Variants in FGF12 observed in about 807,000 individuals in gnomAD.
FGF12 encodes fibroblast growth factor 12B.
In FGF12, 14 loss-of-function variants were observed where a neutral mutation model predicts 23.6. The observed-to-expected ratio is 0.59, with a 90% confidence interval of 0.39 to 0.93. FGF12 has a LOEUF of 0.93. Ranked by LOEUF, FGF12 falls within the 40% of genes least tolerant of loss-of-function variation. FGF12 has a pLI of 0.00. For missense variants in FGF12, 175 were observed against 217.8 expected, an observed-to-expected ratio of 0.80 and a Z score of 1.24; for synonymous variants, 62 against 77.3, an observed-to-expected ratio of 0.80 and a Z score of 1.04.
chr3:192,256,791 G>A (rs1181032794), intron 4 of FGF12, among the ~76,000 whole-genome samples: 5 of 152,162 alleles, frequency 3.3e-5, no homozygotes, highest in Non-Finnish European at 7.4e-5. Flanking sequence ...CACACAGATA[G>A]CAGAATAGAT....
At chr3:192,474,532 T>C (rs371693405) in intron 2 of FGF12, among the ~76,000 whole-genome samples, 2 of 152,298 alleles carry the variant, frequency 1.3e-5, no homozygotes, top group East Asian at 3.9e-4. Flanking sequence ...TGGAGAAAAC[T>C]GCTACCTTTT....
intron 2 of FGF12, among the ~76,000 whole-genome samples, chr3:192,680,648 C>A (rs1429809442): frequency 2.0e-5 from 3 of 152,212 alleles, no homozygotes; most frequent in Non-Finnish European, 4.4e-5. Context: ...CCCAGCCAGA[C>A]AAGCTGTGGT....
At position 192,727,119 on chromosome 3, in the gene FGF12, G is replaced by A. The variant is rs1204758240; in HGVS notation, c.13+62C>T. Reference sequence around the variant, plus strand: ...CCCCAAGCACTGCAGTCCCCTCGCCGAGGATTGCCTTGGCCACACGCACAT... The same window carrying A: ...CCCCAAGCACTGCAGTCCCCTCGCCAAGGATTGCCTTGGCCACACGCACAT... On this transcript the variant is annotated intron_variant, in intron 2 of 5. Transcript: ENST00000445105. 1.9e-5 allele frequency: 29 copies of A among 1,552,622 alleles called. 1 individual carries two copies. The highest frequency in any genetic ancestry group is 2.4e-5 in the Non-Finnish European group (28 of 1,145,814).
intron 4 of FGF12, among the ~76,000 whole-genome samples, chr3:192,252,334 G>A (rs1209574541): frequency 5.3e-5 from 8 of 151,202 alleles, no homozygotes; most frequent in South Asian, 2.1e-4. Flanking sequence ...TGGTGGTAGC[G>A]TGCCTGGAAT....
At chr3:192,688,340 C>T (rs1194267564) in intron 2 of FGF12, among the ~76,000 whole-genome samples, 1 of 152,156 alleles carries the variant, frequency 6.6e-6, no homozygotes, top group African/African-American at 2.4e-5. Context: ...CCCCAGCATG[C>T]ATCCCTCTAT....
chr3:192,306,252 C>A (rs141554474), intron 4 of FGF12, among the ~76,000 whole-genome samples: 12 of 152,220 alleles, frequency 7.9e-5, no homozygotes, highest in East Asian at 5.8e-4. Context: ...TTAGGGGACA[C>A]AACAAGTTGG....
At chr3:192,231,939 A>C (rs1289002449) in intron 4 of FGF12, among the ~76,000 whole-genome samples, 1 of 152,224 alleles carries the variant, frequency 6.6e-6, no homozygotes, top group African/African-American at 2.4e-5. Context: ...GCTACTTAGG[A>C]GATGCAAAGG....
intron 2 of FGF12, among the ~76,000 whole-genome samples, chr3:192,493,737 C>T (rs1723868460): frequency 6.6e-6 from 1 of 152,120 alleles, no homozygotes; most frequent in Non-Finnish European, 1.5e-5. Context: ...GTGCCACACA[C>T]TTTTAAATAA....
intron 2 of FGF12, among the ~76,000 whole-genome samples, chr3:192,556,889 A>G (rs939156149): frequency 6.6e-6 from 1 of 152,178 alleles, no homozygotes; most frequent in African/African-American, 2.4e-5. Flanking sequence ...AATTAAAAGC[A>G]GAAAGAAAAC....
intron 2 of FGF12, among the ~76,000 whole-genome samples, chr3:192,695,992 G>C (rs1309399030): frequency 6.6e-6 from 1 of 152,112 alleles, no homozygotes; most frequent in African/African-American, 2.4e-5. Flanking sequence ...CCAGCTACTT[G>C]GGAGGCTAAG....
chr3:192,307,527 T>C (rs11925470), intron 4 of FGF12, among the ~76,000 whole-genome samples: 5,738 of 152,302 alleles, frequency 0.038, 347 homozygotes, highest in African/African-American at 0.13. Flanking sequence ...CAATGCTAGA[T>C]AGCAGAGACA....
At chr3:192,446,321 A>C (rs1235526853) in intron 2 of FGF12, among the ~76,000 whole-genome samples, 3 of 152,264 alleles carry the variant, frequency 2.0e-5, no homozygotes. Flanking sequence ...CTGCTTTCAG[A>C]ATCGGCAATT....
chr3:192,493,230 C>T (rs1157480199), intron 2 of FGF12, among the ~76,000 whole-genome samples: 1 of 152,038 alleles, frequency 6.6e-6, no homozygotes, highest in Non-Finnish European at 1.5e-5. Flanking sequence ...CCTCAGCTTG[C>T]TCATCTGTGA....
intron 2 of FGF12, among the ~76,000 whole-genome samples, chr3:192,685,027 T>C (rs184491192): frequency 7.3e-4 from 111 of 152,246 alleles, no homozygotes; most frequent in Middle Eastern, 6.8e-3. Context: ...ATCCACATCA[T>C]AGTGTTGTTG....
chr3:192,455,714 C>G (rs1722660153), intron 2 of FGF12, among the ~76,000 whole-genome samples: 1 of 152,062 alleles, frequency 6.6e-6, no homozygotes, highest in African/African-American at 2.4e-5. Context: ...TAGTCTTTAC[C>G]ATGCTTCTGC....
chr3:192,424,977 C>T (rs751523997), intron 2 of FGF12, among the ~76,000 whole-genome samples: 1 of 152,096 alleles, frequency 6.6e-6, no homozygotes, highest in African/African-American at 2.4e-5. Context: ...CATGCATACA[C>T]ATATTTGTTG....
At chr3:192,499,508 ATATATATATTTTTTTTTTTTT>A (rs1724060946) in intron 2 of FGF12, among the ~76,000 whole-genome samples, 1 of 34,194 alleles carries the variant, frequency 2.9e-5, no homozygotes, top group African/African-American at 1.3e-4. Context: ...ATATATATAT[ATATATATATTTTTTTTTTTTT>A]TTTTTTTTTT....
At chr3:192,166,055 G>C (rs903932809) in intron 5 of FGF12, among the ~76,000 whole-genome samples, 2 of 152,162 alleles carry the variant, frequency 1.3e-5, no homozygotes, top group East Asian at 3.9e-4. Context: ...AGCAGTAATG[G>C]TGGCAGCAAA....
chr3:192,164,132 G>T (rs189848312), intron 5 of FGF12, among the ~76,000 whole-genome samples: 178 of 152,106 alleles, frequency 1.2e-3, no homozygotes, highest in African/African-American at 4.2e-3. Flanking sequence ...AAAAGGAGGA[G>T]ACTATATTTT....
Sources: gnomAD v4.1 joint callset for allele counts (sites outside exome capture counted in the v4.1 genomes callset) on GRCh38, gnomAD v4.1.1 for gene constraint, MANE v1.5 for transcripts, NCBI Gene and HGNC (gene_info 2026-07-23, HGNC 2026-07-21) for gene names.